Variants in MIPOL1 observed in about 807,000 individuals in gnomAD.
MIPOL1 encodes the protein mirror-image polydactyly gene 1 protein.
A neutral mutation model predicts 60.9 loss-of-function variants in MIPOL1; 57 were observed. The observed-to-expected ratio is 0.94, with a 90% CI of 0.76 to 1.17. The LOEUF is 1.17. MIPOL1 is among the 50% of genes most tolerant of loss of function. MIPOL1 has a pLI of 0.00. For synonymous variants in MIPOL1, 179 were observed against 168.8 expected (o/e 1.06, Z -0.47); for missense variants, 551 against 511.6 (o/e 1.08, Z -0.74).
At chr14:37,545,784 C>G (rs1313172992) in intron 12 of MIPOL1, 1 of 544,364 alleles carries the variant, frequency 1.8e-6, no homozygotes. Context: ...TTGTATGACA[C>G]TAAGAATACC....
rs1451852607 is a variant in MIPOL1, at chr14:37,549,667, T to C, written c.*2696T>C. The C allele has an allele frequency of 6.6e-6, 1 of 151,944 alleles. No homozygotes were observed. Among genetic ancestry groups the C allele is most frequent in the Non-Finnish European group, 1.5e-5 (1 of 67,844 alleles). 9.4% of individuals were successfully genotyped at this position (151,944 alleles called of 1,614,324 possible). On this transcript the variant is annotated 3_prime_UTR_variant, in exon 13 of 13. Transcript: ENST00000684589. ...AGTACCATCTCTTTCACATACTACA[T>C]ACAAATTCCCTAATAATCAAAAGAT...
At chr14:37,306,964 T>C (rs1174344836) in intron 7 of MIPOL1, among the ~76,000 whole-genome samples, 1 of 151,832 alleles carries the variant, frequency 6.6e-6, no homozygotes, top group Non-Finnish European at 1.5e-5. Context: ...TGATACTATT[T>C]ATGTCTAGAA....
At chr14:37,530,462 A>G (rs2095472396) in intron 12 of MIPOL1, among the ~76,000 whole-genome samples, 1 of 152,220 alleles carries the variant, frequency 6.6e-6, no homozygotes, top group Non-Finnish European at 1.5e-5. Context: ...GAATAATAGA[A>G]ATACCCATGA....
At chr14:37,530,899 C>A (rs1364656966) in intron 12 of MIPOL1, among the ~76,000 whole-genome samples, 1 of 151,542 alleles carries the variant, frequency 6.6e-6, no homozygotes, top group South Asian at 2.1e-4. Context: ...CTCACTGCAA[C>A]CTCCGCCTCC....
intron 11 of MIPOL1, among the ~76,000 whole-genome samples, chr14:37,424,582 T>G (rs2093929969): frequency 6.6e-6 from 1 of 152,222 alleles, no homozygotes; most frequent in African/African-American, 2.4e-5. Context: ...ATCTGTTGTT[T>G]TAAGCCACAC....
At chr14:37,308,183 A>C (rs1447652236) in intron 8 of MIPOL1, 94 bp downstream of exon 8, 62 of 1,317,230 alleles carry the variant, frequency 4.7e-5, no homozygotes, top group South Asian at 1.9e-4. Flanking sequence ...AGATGTGGGA[A>C]AAAGAAGAAT....
chr14:37,236,346 G>C (rs1201319297), intron 1 of MIPOL1, among the ~76,000 whole-genome samples: 1 of 152,104 alleles, frequency 6.6e-6, no homozygotes, highest in Admixed American at 6.5e-5. Context: ...TTAGCCATTT[G>C]TATGTCTTCT....
intron 9 of MIPOL1, among the ~76,000 whole-genome samples, chr14:37,361,902 T>A (rs1011072505): frequency 6.6e-6 from 1 of 152,150 alleles, no homozygotes; most frequent in African/African-American, 2.4e-5. Context: ...TTTGTTGGTT[T>A]AAAGTCTGTT....
At chr14:37,539,744 G>T (rs777295245) in intron 12 of MIPOL1, among the ~76,000 whole-genome samples, 14 of 152,276 alleles carry the variant, frequency 9.2e-5, no homozygotes, top group Non-Finnish European at 1.9e-4. Context: ...TATGCAGATA[G>T]GTAGAAGAGC....
Position 37,336,580 on chromosome 14 carries a change from A to T in MIPOL1, c.828+28061A>T, listed in dbSNP as rs903544079. The stretch of plus-strand genomic sequence containing the variant: ...TTATATTGCCCATCTGTCTTCCCTG[A>T]TGTCTACTTTATCTGTTAGAGCCCT... On this transcript the variant is annotated intron_variant, in intron 9 of 12. Transcript: ENST00000684589. 4.6e-5 allele frequency among the ~76,000 whole-genome samples: 7 copies of T among 151,750 alleles called. No individual in the cohort carries two copies. The South Asian group carries it at 1.2e-3, about 27-fold the overall frequency.
intron 3 of MIPOL1, among the ~76,000 whole-genome samples, chr14:37,253,366 G>C (rs1251778388): frequency 1.3e-5 from 2 of 151,768 alleles, no homozygotes; most frequent in African/African-American, 4.8e-5. Flanking sequence ...AATCTATTTA[G>C]GACCATTGCG....
intron 9 of MIPOL1, among the ~76,000 whole-genome samples, chr14:37,350,888 G>A (rs2091306249): frequency 6.6e-6 from 1 of 152,088 alleles, no homozygotes; most frequent in African/African-American, 2.4e-5. Context: ...TTCCATCCAT[G>A]TTATTGCAAA....
At chr14:37,280,559 T>C (rs555429454) in intron 6 of MIPOL1, among the ~76,000 whole-genome samples, 70 of 152,328 alleles carry the variant, frequency 4.6e-4, no homozygotes, top group South Asian at 3.5e-3. Flanking sequence ...TGCCTTTCTT[T>C]GGTGATTAGA....
Position 37,546,978 on chromosome 14 carries a change from A to G in MIPOL1, c.*7A>G, listed in dbSNP as rs1029638671. 1.9e-6 allele frequency: 3 copies of G among 1,613,194 alleles called. No individual in the cohort carries two copies. In the African/African-American group the frequency reaches 4.0e-5, roughly 22 times the overall value. ...CATGAGGACAGTGATCTGATTGAAAAAAAACGACAGTCTGGGGAAGCGATC... is the reference window on the plus strand; with the variant it reads ...CATGAGGACAGTGATCTGATTGAAAGAAAACGACAGTCTGGGGAAGCGATC... On this transcript the variant is annotated 3_prime_UTR_variant, in exon 13 of 13. Coordinates refer to ENST00000684589, the MANE Select transcript of MIPOL1 (RefSeq NM_001388067.1).
Position 37,229,941 on chromosome 14 carries a change from T to C in MIPOL1, c.-198-17162T>C, listed in dbSNP as rs186208088. On this transcript the variant is annotated intron_variant, in intron 1 of 12. Transcript: ENST00000684589. The stretch of plus-strand genomic sequence containing the variant: ...GGGATGGGAGTGATTGGGGAGATGT[T>C]GGTCAAAGGAGACAAAATTTCGGTT... 4.2e-3 allele frequency among the ~76,000 whole-genome samples: 642 copies of C among 152,182 alleles called. 5 individuals carry two copies. Among genetic ancestry groups the C allele is most frequent in the African/African-American group, 0.014 (598 of 41,496 alleles).
At chr14:37,458,012 C>T (rs2094496173) in intron 11 of MIPOL1, among the ~76,000 whole-genome samples, 1 of 150,720 alleles carries the variant, frequency 6.6e-6, no homozygotes, top group Non-Finnish European at 1.5e-5. Flanking sequence ...AGATGGAAAA[C>T]AAAAATGAGC....
At chr14:37,285,706 C>T (rs1040857017) in intron 7 of MIPOL1, among the ~76,000 whole-genome samples, 2 of 151,876 alleles carry the variant, frequency 1.3e-5, no homozygotes, top group Non-Finnish European at 2.9e-5. Flanking sequence ...ATTCCCCTGC[C>T]GCAGCCTCCC....
At chr14:37,274,811 TATG>T (rs1043684893) in intron 6 of MIPOL1, among the ~76,000 whole-genome samples, 9 of 151,260 alleles carry the variant, frequency 6.0e-5, no homozygotes, top group Non-Finnish European at 1.3e-4. Context: ...AAATAATAAT[TATG>T]ATGATAAGAT....
intron 12 of MIPOL1, among the ~76,000 whole-genome samples, chr14:37,518,181 T>G (rs2095385183): frequency 6.6e-6 from 1 of 152,154 alleles, no homozygotes; most frequent in African/African-American, 2.4e-5. Context: ...TTAGCCCTAC[T>G]GGTATTAATA....
Sources: gnomAD v4.1 joint callset for allele counts (sites outside exome capture counted in the v4.1 genomes callset) on GRCh38, gnomAD v4.1.1 for gene constraint, MANE v1.5 for transcripts, NCBI Gene and HGNC (gene_info 2026-07-23, HGNC 2026-07-21) for gene names.